The following TTC28 variants were observed in gnomAD, a reference collection of about 807,000 sequenced individuals.
TTC28 encodes the protein tetratricopeptide repeat protein 28.
Under a neutral mutation model 198.0 loss-of-function variants are expected in TTC28, and 61 were observed. That is an observed-to-expected ratio of 0.31 (90% confidence interval 0.25 to 0.38). The LOEUF (loss-of-function observed/expected upper bound fraction) is 0.38, where lower values mean the gene tolerates loss of function less well. Among genes scored for constraint, TTC28 ranks in the 10% least tolerant of loss-of-function variants. The probability of loss-of-function intolerance (pLI) is 1.00; values close to 1 mark genes in which losing one functional copy is unlikely to be tolerated. For missense variants in TTC28, 2,678 were observed against 3,164.0 expected (o/e 0.85, Z 3.69); for synonymous variants, 1,171 against 1,297.8 (o/e 0.90, Z 2.10).
chr22:28,097,887 T>C (rs1942022927), intron 10 of TTC28, among the ~76,000 whole-genome samples: 1 of 152,210 alleles, frequency 6.6e-6, no homozygotes, highest in African/African-American at 2.4e-5. Context: ...TAGACAGACT[T>C]AACACTGTGA....
intron 5 of TTC28, among the ~76,000 whole-genome samples, chr22:28,202,588 C>G (rs556086943): frequency 6.6e-6 from 1 of 151,764 alleles, no homozygotes; most frequent in Admixed American, 6.6e-5. Context: ...TTTGAATCAT[C>G]ATTCTGTATC....
At chr22:28,548,148 A>T (rs2049583525) in intron 2 of TTC28, among the ~76,000 whole-genome samples, 1 of 152,190 alleles carries the variant, frequency 6.6e-6, no homozygotes, top group African/African-American at 2.4e-5. Context: ...TTTGACAGTG[A>T]CTTACAGAGT....
rs1403175653 is a variant in TTC28 at position 28,604,297 on chromosome 22, T to A, written c.381+25255A>T. Among the ~76,000 whole-genome samples, 25 of 114,132 alleles carry A rather than the reference T, an allele frequency of 2.2e-4. No homozygotes were observed. The South Asian group carries it at 4.7e-3, about 22-fold the overall frequency. The allele number at this position is 114,132 out of a possible 152,430, so 74.9% of individuals were successfully genotyped here. A position where few individuals can be genotyped will look rare whatever the true frequency, so the allele number is the denominator to read the frequency against. On this transcript the variant is annotated intron_variant, in intron 2 of 22. Coordinates refer to ENST00000397906, the MANE Select transcript of TTC28 (RefSeq NM_001145418.2). ...AGTCTTAAACAGAAAAAAAAAAAAA[T>A]TATATATATATATATATATATATAT...
At position 28,267,599 on chromosome 22, in the gene TTC28, A is replaced by G. The variant is rs928443891; in HGVS notation, c.933+28599T>C. On this transcript the variant is annotated intron_variant, in intron 5 of 22. Coordinates refer to ENST00000397906, the MANE Select transcript of TTC28 (RefSeq NM_001145418.2). ...AACAAAAAGTAAATATGGATGTCTG[A>G]CAGTCATAATACTGAATATGCTAAC... Among the ~76,000 whole-genome samples the G allele has an allele frequency of 2.0e-5, 3 of 152,348 alleles. No homozygotes were observed. The East Asian group carries it at 5.8e-4, about 29-fold the overall frequency.
intron 2 of TTC28, among the ~76,000 whole-genome samples, chr22:28,373,175 T>TA (rs2046362306): frequency 6.6e-6 from 1 of 151,782 alleles, no homozygotes; most frequent in African/African-American, 2.4e-5. Flanking sequence ...TTAGCAAGCA[T>TA]ACCAGGTACT....
chr22:28,302,527 G>A (rs1007980239), intron 3 of TTC28, among the ~76,000 whole-genome samples: 11 of 152,180 alleles, frequency 7.2e-5, no homozygotes, highest in African/African-American at 7.2e-5. Flanking sequence ...TTAGGAGATG[G>A]ATATTATAAT....
At chr22:28,189,829 A>G (rs2147123536) in intron 5 of TTC28, among the ~76,000 whole-genome samples, 1 of 152,336 alleles carries the variant, frequency 6.6e-6, no homozygotes, top group Non-Finnish European at 1.5e-5. Flanking sequence ...CAAAAACTTT[A>G]CCTATATTTT....
chr22:28,574,429 T>C (rs1385521005), intron 2 of TTC28, among the ~76,000 whole-genome samples: 1 of 152,132 alleles, frequency 6.6e-6, no homozygotes, highest in Non-Finnish European at 1.5e-5. Flanking sequence ...CATCTGTTGA[T>C]GAACATTTAG....
chr22:28,255,187 C>T (rs1298749900), intron 5 of TTC28, among the ~76,000 whole-genome samples: 1 of 151,946 alleles, frequency 6.6e-6, no homozygotes, highest in East Asian at 1.9e-4. Flanking sequence ...AAGCAAAAGA[C>T]CACACGAGAG....
At chr22:28,210,426 G>C (rs879738694) in intron 5 of TTC28, among the ~76,000 whole-genome samples, 2 of 152,138 alleles carry the variant, frequency 1.3e-5, no homozygotes, top group Non-Finnish European at 2.9e-5. Flanking sequence ...AGAATAAACA[G>C]TGTAGAGAAG....
rs756460879 is a variant in TTC28 at position 27,989,897 on chromosome 22, G to A, written c.5688C>T (p.His1896=). 3.5e-4 allele frequency: 548 copies of A among 1,550,908 alleles called. No homozygotes were observed. Among genetic ancestry groups the A allele is most frequent in the Non-Finnish European group, 4.5e-4 (518 of 1,146,666 alleles). Residue 1896 remains histidine (H), a synonymous_variant, in exon 21 of 23, where the codon CAC becomes CAT. Transcript: ENST00000397906. ...GCCTACCTAGAGCTGCCAGGAACTC[G>A]TGGCATCCCGGGAGCCGCCACAGCT... ...SVQLWRLPGC[H]EFLAALGFDL...
At chr22:27,986,322 T>C (rs1408885120) in intron 21 of TTC28, 1 of 152,436 alleles carries the variant, frequency 6.6e-6, no homozygotes, top group Non-Finnish European at 1.5e-5. Flanking sequence ...CCGCCATGAT[T>C]GTAAGTTTCC....
intron 2 of TTC28, among the ~76,000 whole-genome samples, chr22:28,377,215 A>C (rs2046425560): frequency 6.6e-6 from 1 of 151,304 alleles, no homozygotes; most frequent in Non-Finnish European, 1.5e-5. Flanking sequence ...AAAAAAAAAA[A>C]ACCATGTAAT....
At position 28,005,340 on chromosome 22, in the gene TTC28, G is replaced by A. The variant is rs1280346104; in HGVS notation, c.4219-3787C>T. Among the ~76,000 whole-genome samples the A allele has an allele frequency of 6.6e-6, 1 of 152,234 alleles. No individual in the cohort carries two copies. The highest frequency in any genetic ancestry group is 1.5e-5 in the Non-Finnish European group (1 of 68,042). ...GTGATGACAGGGGTTCCGTGAAGGTGCAGTCTTTGTACAAGGAGAGGGTTG... is the reference window on the plus strand; with the variant it reads ...GTGATGACAGGGGTTCCGTGAAGGTACAGTCTTTGTACAAGGAGAGGGTTG... On this transcript the variant is annotated intron_variant, in intron 14 of 22. Coordinates refer to ENST00000397906, the MANE Select transcript of TTC28 (RefSeq NM_001145418.2). This position sits in a 1 kb window ranked among gnomAD's most constrained non-coding sequence, Gnocchi z 4.9.
intron 5 of TTC28, among the ~76,000 whole-genome samples, chr22:28,262,234 C>A (rs1931371522): frequency 6.6e-6 from 1 of 152,068 alleles, no homozygotes; most frequent in African/African-American, 2.4e-5. Flanking sequence ...GCAGAGACAC[C>A]TTGGTGTCTC....
intron 1 of TTC28, among the ~76,000 whole-genome samples, chr22:28,640,487 C>T (rs2051347005): frequency 6.6e-6 from 1 of 151,454 alleles, no homozygotes; most frequent in Admixed American, 6.6e-5. Context: ...AAATATTGAA[C>T]CCATAGCTTT....
intron 1 of TTC28, among the ~76,000 whole-genome samples, chr22:28,651,611 T>G (rs895174909): frequency 5.3e-5 from 8 of 151,564 alleles, no homozygotes; most frequent in Middle Eastern, 6.8e-3. Flanking sequence ...ATATAGTCAC[T>G]TTGTTGTCCA....
At chr22:28,579,494 T>C (rs1234435858) in intron 2 of TTC28, among the ~76,000 whole-genome samples, 2 of 148,696 alleles carry the variant, frequency 1.3e-5, no homozygotes, top group African/African-American at 2.4e-5. Flanking sequence ...TAGTTATATG[T>C]ATAGTTATAT....
intron 6 of TTC28, among the ~76,000 whole-genome samples, chr22:28,123,844 G>A (rs983041585): frequency 6.6e-5 from 10 of 152,066 alleles, no homozygotes; most frequent in Admixed American, 2.0e-4. Flanking sequence ...TTAGCCAGGT[G>A]TGGCGGCATG....
Sources: allele counts gnomAD v4.1 joint callset (sites outside exome capture counted in the v4.1 genomes callset), GRCh38; gene constraint gnomAD v4.1.1; non-coding constraint Gnocchi (gnomAD v3.1); transcripts MANE v1.5; gene names NCBI Gene and HGNC (gene_info 2026-07-23, HGNC 2026-07-21).